SDK1: variants seen among roughly 807,000 people sequenced by gnomAD.
SDK1 encodes the protein sidekick cell adhesion molecule 1.
A neutral mutation model predicts 245.5 loss-of-function variants in SDK1; 157 were observed. The observed-to-expected ratio is 0.64, with a 90% confidence interval of 0.56 to 0.73. The LOEUF (loss-of-function observed/expected upper bound fraction) is 0.73, where lower values mean the gene tolerates loss of function less well. Ranked by LOEUF, SDK1 falls within the 30% of genes least tolerant of loss-of-function variation. The probability of loss-of-function intolerance (pLI) is 0.00; values close to 1 mark genes in which losing one functional copy is unlikely to be tolerated. For missense variants in SDK1, 3,583 were observed against 3,002.3 expected (o/e 1.19, Z -4.52); for synonymous variants, 1,647 against 1,278.5 (o/e 1.29, Z -6.15).
rs757282121 is a variant in SDK1, at chr7:4,041,865, G to C, written c.2603-7483G>C. The stretch of plus-strand genomic sequence containing the variant: ...AGTCTCGCTCCCTTGCCAGGCTGGA[G>C]TGCAGTGGTGAGATCTCGGCTCACT... On this transcript the variant is annotated intron_variant, in intron 17 of 44. Coordinates refer to ENST00000404826, the MANE Select transcript of SDK1 (RefSeq NM_152744.4). Among the ~76,000 whole-genome samples the C allele has an allele frequency of 5.2e-5, 7 of 135,528 alleles. 2 individuals are homozygous for C. In the South Asian group the frequency reaches 1.6e-3, roughly 31 times the overall value. 88.9% of individuals were successfully genotyped at this position (135,528 alleles called of 152,430 possible). A position where few individuals can be genotyped will look rare whatever the true frequency, so the allele number is the denominator to read the frequency against.
At chr7:3,436,198 G>A (rs1458987516) in intron 1 of SDK1, among the ~76,000 whole-genome samples, 1 of 151,978 alleles carries the variant, frequency 6.6e-6, no homozygotes, top group African/African-American at 2.4e-5. Context: ...GACATTTGAT[G>A]GACTTAGTGG....
intron 1 of SDK1, among the ~76,000 whole-genome samples, chr7:3,612,056 C>G (rs924230831): frequency 3.3e-5 from 5 of 151,988 alleles, no homozygotes; most frequent in African/African-American, 7.2e-5. Context: ...GTGAGGATGC[C>G]TAAGAATGAT....
chr7:3,557,525 C>T (rs975328859), intron 1 of SDK1, among the ~76,000 whole-genome samples: 3 of 152,098 alleles, frequency 2.0e-5, no homozygotes, highest in Non-Finnish European at 4.4e-5. Flanking sequence ...GACACAGGAA[C>T]CCACACATGT....
chr7:4,215,994 CG>C (rs559755186), intron 38 of SDK1, among the ~76,000 whole-genome samples: 172 of 152,268 alleles, frequency 1.1e-3, no homozygotes, highest in African/African-American at 3.8e-3. Context: ...CTCCCATCCC[CG>C]TTCCTGCATT....
chr7:3,374,509 GC>G (rs1352620233), intron 1 of SDK1, among the ~76,000 whole-genome samples: 1 of 152,130 alleles, frequency 6.6e-6, no homozygotes, highest in Admixed American at 6.5e-5. Context: ...CCCTTCAGTG[GC>G]TGCCACCAGA....
chr7:3,501,737 T>A (rs183290573), intron 1 of SDK1, among the ~76,000 whole-genome samples: 3 of 152,222 alleles, frequency 2.0e-5, no homozygotes, highest in African/African-American at 7.2e-5. Context: ...TTATTTTTTG[T>A]TGAAGTATGT....
intron 5 of SDK1, among the ~76,000 whole-genome samples, chr7:3,899,780 C>T (rs986416321): frequency 3.3e-5 from 5 of 152,222 alleles, no homozygotes; most frequent in African/African-American, 7.2e-5. Context: ...GATATCTCCA[C>T]GCATCCCTGA....
At chr7:3,667,162 C>G (rs542979002) in intron 4 of SDK1, among the ~76,000 whole-genome samples, 1 of 152,134 alleles carries the variant, frequency 6.6e-6, no homozygotes, top group East Asian at 1.9e-4. Context: ...TTATTCTGAC[C>G]TAACTGTAGC....
chr7:3,869,353 A>G (rs11973090), intron 5 of SDK1, among the ~76,000 whole-genome samples: 30,373 of 151,712 alleles, frequency 0.2, 3,225 homozygotes, highest in Middle Eastern at 0.29. Context: ...ACGGGGTTTC[A>G]CCATGTTAGC....
intron 17 of SDK1, among the ~76,000 whole-genome samples, chr7:4,030,239 C>G (rs568470950): frequency 4.6e-5 from 7 of 152,312 alleles, no homozygotes; most frequent in African/African-American, 1.7e-4. Flanking sequence ...ATGTGTTCCT[C>G]CTATCATAGT....
intron 3 of SDK1, 28 bp downstream of exon 3, chr7:3,639,138 A>G (rs1299159157): frequency 1.5e-6 from 2 of 1,324,538 alleles, no homozygotes. Flanking sequence ...AGATGTCCAA[A>G]TGTTAAAGAA....
chr7:3,640,022 A>G (rs1299662743), intron 3 of SDK1, among the ~76,000 whole-genome samples: 1 of 151,890 alleles, frequency 6.6e-6, no homozygotes, highest in Non-Finnish European at 1.5e-5. Context: ...AATCTGGCTA[A>G]TTTCTTTTGT....
At chr7:3,814,943 T>C (rs568032754) in intron 4 of SDK1, among the ~76,000 whole-genome samples, 2 of 152,234 alleles carry the variant, frequency 1.3e-5, no homozygotes, top group Non-Finnish European at 2.9e-5. Flanking sequence ...AGAATGCTTG[T>C]GATTTTTGTA....
chr7:3,726,904 A>G (rs184312402), intron 4 of SDK1, among the ~76,000 whole-genome samples: 3 of 152,350 alleles, frequency 2.0e-5, no homozygotes, highest in African/African-American at 2.4e-5. Context: ...AAATCACACC[A>G]AAGAATTTTT....
intron 5 of SDK1, among the ~76,000 whole-genome samples, chr7:3,855,129 C>CT: frequency 6.6e-6 from 1 of 151,986 alleles, no homozygotes; most frequent in South Asian, 2.1e-4. Context: ...ACAGAAGAGC[C>CT]CTTCACTCCC....
rs78139253 is a variant in SDK1 at position 4,067,048 on chromosome 7, G to A, written c.2912-790G>A. Among the ~76,000 whole-genome samples, 802 of 152,262 alleles carry A rather than the reference G, an allele frequency of 5.3e-3. 6 individuals carry two copies. The highest frequency in any genetic ancestry group is 0.018 in the African/African-American group (729 of 41,558). On this transcript the variant is annotated intron_variant, in intron 19 of 44. Transcript: ENST00000404826. Reference sequence around the variant, plus strand: ...ATCATGGAACATTTTCATGGTGCCCGGGACATCCTCGTGTTTTCATGTTTT... The same window carrying A: ...ATCATGGAACATTTTCATGGTGCCCAGGACATCCTCGTGTTTTCATGTTTT...
At chr7:3,751,744 A>G (rs1404192490) in intron 4 of SDK1, among the ~76,000 whole-genome samples, 3 of 152,144 alleles carry the variant, frequency 2.0e-5, no homozygotes, top group Non-Finnish European at 4.4e-5. Flanking sequence ...GAGGCTTCCA[A>G]CCAGTGCCCT....
At chr7:3,691,742 G>A (rs910781748) in intron 4 of SDK1, among the ~76,000 whole-genome samples, 2 of 152,178 alleles carry the variant, frequency 1.3e-5, no homozygotes, top group South Asian at 2.1e-4. Context: ...GTAGAAGTCA[G>A]AGATTTAAAA....
rs192392314 is a variant in SDK1 at position 3,811,914 on chromosome 7, C to G, written c.714-9536C>G. Among the ~76,000 whole-genome samples, 4 of 152,352 alleles carry G rather than the reference C, an allele frequency of 2.6e-5. No homozygotes were observed. The East Asian group carries it at 7.7e-4, about 29-fold the overall frequency. ...CTTTCAAAAGCTATCACTAGGGAAA[C>G]AGATGTGGTTGGACCTGCGTGCTTT... On this transcript the variant is annotated intron_variant, in intron 4 of 44. Transcript: ENST00000404826.
Sources: gnomAD v4.1 joint callset for allele counts (sites outside exome capture counted in the v4.1 genomes callset) on GRCh38, gnomAD v4.1.1 for gene constraint, MANE v1.5 for transcripts, NCBI Gene and HGNC (gene_info 2026-07-23, HGNC 2026-07-21) for gene names.